PHF20L1: variants seen among roughly 807,000 people sequenced by gnomAD.
PHF20L1 encodes the protein PHD finger protein 20 like 1.
A neutral mutation model predicts 125.5 loss-of-function variants in PHF20L1; 44 were observed. That is an observed-to-expected ratio of 0.35 (90% CI 0.28 to 0.45). The LOEUF is 0.45. Ranked by LOEUF, PHF20L1 falls within the 20% of genes least tolerant of loss-of-function variation. The probability of loss-of-function intolerance (pLI) is 1.00; values close to 1 mark genes in which losing one functional copy is unlikely to be tolerated. For synonymous variants in PHF20L1, 380 were observed against 403.1 expected, an observed-to-expected ratio of 0.94 and a Z score of 0.69; for missense variants, 1,012 against 1,217.2, an observed-to-expected ratio of 0.83 and a Z score of 2.51.
chr8:132,776,786 A>G (rs1829838701), intron 1 of PHF20L1, among the ~76,000 whole-genome samples: 1 of 152,374 alleles, frequency 6.6e-6, no homozygotes, highest in African/African-American at 2.4e-5. Flanking sequence ...CATAGTCATT[A>G]GTGATCTCAA....
intron 2 of PHF20L1, among the ~76,000 whole-genome samples, chr8:132,791,975 A>G (rs1831768607): frequency 6.6e-6 from 1 of 152,246 alleles, no homozygotes; most frequent in African/African-American, 2.4e-5. Flanking sequence ...GAACTCACTT[A>G]GATACTGATT....
At chr8:132,845,449 AAGG>A (rs970270871) in intron 20 of PHF20L1, among the ~76,000 whole-genome samples, 2 of 151,970 alleles carry the variant, frequency 1.3e-5, no homozygotes, top group African/African-American at 2.4e-5. Context: ...AAGTGAGTAA[AAGG>A]AGACCTTCAA....
chr8:132,792,577 C>A (rs1345743366), intron 2 of PHF20L1, among the ~76,000 whole-genome samples: 1 of 152,216 alleles, frequency 6.6e-6, no homozygotes, highest in African/African-American at 2.4e-5. Context: ...AATTGCCTTT[C>A]TTTAAAGCGG....
chr8:132,835,998 T>G (rs555437506), intron 15 of PHF20L1, among the ~76,000 whole-genome samples: 14 of 141,044 alleles, frequency 9.9e-5, no homozygotes, highest in Admixed American at 2.8e-4. Context: ...CAATTCAGAG[T>G]TTTTTTTTTT....
At chr8:132,776,269 A>G (rs1468047280) in intron 1 of PHF20L1, among the ~76,000 whole-genome samples, 1 of 152,142 alleles carries the variant, frequency 6.6e-6, no homozygotes, top group Non-Finnish European at 1.5e-5. Context: ...CTGGGGGATT[A>G]TACTCATTCA....
At chr8:132,818,993 T>A (rs779893121) in intron 12 of PHF20L1, 3 of 151,888 alleles carry the variant, frequency 2.0e-5, no homozygotes, top group Non-Finnish European at 4.4e-5. Flanking sequence ...AGTCTTACAT[T>A]AACAGATTAT....
intron 14 of PHF20L1, chr8:132,826,710 C>CT (rs1327031350): frequency 2.0e-5 from 3 of 151,952 alleles, no homozygotes; most frequent in Non-Finnish European, 2.9e-5. Flanking sequence ...GTGGTTGCCT[C>CT]TAAGGTGGGG....
chr8:132,824,877 A>T (rs1158065538), intron 13 of PHF20L1: 166 of 306,796 alleles, frequency 5.4e-4, no homozygotes, highest in African/African-American at 2.7e-3. Flanking sequence ...TTTTTTTTTT[A>T]AATCTCCTAA....
Position 132,825,347 on chromosome 8 carries a change from A to G in PHF20L1, c.1720A>G (p.Lys574Glu). 2 of 1,506,328 alleles carry G rather than the reference A, an allele frequency of 1.3e-6. No individual in the cohort carries two copies. Among genetic ancestry groups the G allele is most frequent in the Non-Finnish European group, 1.8e-6 (2 of 1,111,214 alleles). The allele number at this position is 1,506,328 out of a possible 1,614,324, so 93.3% of individuals were successfully genotyped here. A position where few individuals can be genotyped will look rare whatever the true frequency, so the allele number is the denominator to read the frequency against. Residue 574 changes from lysine to glutamate, a missense_variant, in exon 14 of 21, where the codon AAG becomes GAG. Transcript: ENST00000395386. ...YRPKQKKKKKKKKKSKQHDYS... is the reference protein window; with the variant it reads ...YRPKQKKKKKEKKKSKQHDYS... ...ACCAAAACAGAAGAAGAAGAAAAAAAAGAAAAAGAAATCTAAGCAACATGG... is the reference window on the plus strand; with the variant it reads ...ACCAAAACAGAAGAAGAAGAAAAAAGAGAAAAAGAAATCTAAGCAACATGG...
intron 16 of PHF20L1, among the ~76,000 whole-genome samples, chr8:132,837,305 A>G (rs1321261258): frequency 6.6e-6 from 1 of 152,126 alleles, no homozygotes; most frequent in East Asian, 1.9e-4. Flanking sequence ...GGAACTATGA[A>G]TTTATAACTT....
intron 18 of PHF20L1, among the ~76,000 whole-genome samples, chr8:132,840,527 T>C (rs146302396): frequency 9.2e-5 from 14 of 152,264 alleles, no homozygotes; most frequent in Non-Finnish European, 2.1e-4. Flanking sequence ...TACTAGAGCA[T>C]CTTCCTGTTG....
intron 6 of PHF20L1, 85 bp from the exon 7 acceptor site, chr8:132,803,734 G>T: frequency 1.4e-6 from 1 of 717,562 alleles, no homozygotes; most frequent in Non-Finnish European, 2.4e-6. Context: ...AAGTAGCTTT[G>T]AAAATGTGAC....
chr8:132,810,865 C>T (rs1586953346), intron 8 of PHF20L1, 181 bp from the exon 9 acceptor site: 1 of 535,718 alleles, frequency 1.9e-6, no homozygotes, highest in East Asian at 3.2e-5. Context: ...CTCTCAAGTT[C>T]TGATTCAGTC....
chr8:132,814,785 C>G lies in PHF20L1; in HGVS notation c.1079C>G (p.Ser360Cys). 1 of 1,612,814 alleles carries G rather than the reference C, an allele frequency of 6.2e-7. No homozygotes were observed. Among genetic ancestry groups the G allele is most frequent in the Non-Finnish European group, 8.5e-7 (1 of 1,179,104 alleles). The change falls in exon 10 of 21, where the codon TCT becomes TGT. Residue 360 changes from serine (S) to cysteine (C), a missense_variant. This residue lies in a region of PHF20L1 where 119 missense variants were observed against 160.2 expected (regional missense o/e 0.74). Transcript: ENST00000395386. ...KKCKHESGDSSGCIKPPKSPL... is the reference protein window; with the variant it reads ...KKCKHESGDSCGCIKPPKSPL... ...TGCAAACATGAATCTGGAGATTCTT[C>G]TGGGTGTATAAAACCCCCTAAATCA...
chr8:132,845,539 C>T (rs189691159), intron 20 of PHF20L1, among the ~76,000 whole-genome samples: 18 of 151,814 alleles, frequency 1.2e-4, no homozygotes, highest in Admixed American at 1.1e-3. Flanking sequence ...ATACATAATT[C>T]CTATATATAT....
intron 18 of PHF20L1, chr8:132,841,660 C>G (rs1837948082): frequency 6.6e-6 from 1 of 152,038 alleles, no homozygotes; most frequent in South Asian, 2.1e-4. Context: ...CTTACATGTT[C>G]AGTGAGGATG....
Position 132,846,673 on chromosome 8 carries a change from A to G in PHF20L1, c.*750A>G, listed in dbSNP as rs1838441140. On this transcript the variant is annotated 3_prime_UTR_variant, in exon 21 of 21. Transcript: ENST00000395386. Reference sequence around the variant, plus strand: ...TTCTGCTGGAAAGAGGATTTTAAATATTGTGGGAGTTCTCCCACCCTAAGT... The same window carrying G: ...TTCTGCTGGAAAGAGGATTTTAAATGTTGTGGGAGTTCTCCCACCCTAAGT... 3.9e-5 allele frequency: 6 copies of G among 152,552 alleles called. No individual in the cohort carries two copies. The highest frequency in any genetic ancestry group is 3.3e-4 in the Admixed American group (5 of 15,258). 9.4% of individuals were successfully genotyped at this position (152,552 alleles called of 1,614,324 possible).
chr8:132,781,694 G>T (rs571908991), intron 2 of PHF20L1, among the ~76,000 whole-genome samples: 11 of 152,314 alleles, frequency 7.2e-5, no homozygotes, highest in African/African-American at 2.6e-4. Context: ...GTCCCCCACA[G>T]TGCTGGGATT....
At chr8:132,809,839 A>G (rs1284236369) in intron 8 of PHF20L1, 1 of 152,130 alleles carries the variant, frequency 6.6e-6, no homozygotes, top group African/African-American at 2.4e-5. Flanking sequence ...GTACCTGACA[A>G]CCTTGAAATG....
Sources: allele counts gnomAD v4.1 joint callset (sites outside exome capture counted in the v4.1 genomes callset), GRCh38; gene constraint gnomAD v4.1.1; regional missense constraint gnomAD v4.1.1; transcripts MANE v1.5; gene names NCBI Gene and HGNC (gene_info 2026-07-23, HGNC 2026-07-21).